Variants in SCAF11 observed in about 807,000 individuals in gnomAD.
SCAF11 encodes SR-related CTD associated factor 11.
A neutral mutation model predicts 140.5 loss-of-function variants in SCAF11; 47 were observed. That is an observed-to-expected ratio of 0.33 (90% CI 0.26 to 0.43). The LOEUF is 0.43. Among genes scored for constraint, SCAF11 ranks in the 20% least tolerant of loss-of-function variants. The pLI is 1.00. For missense variants in SCAF11, 1,645 were observed against 1,705.1 expected, an observed-to-expected ratio of 0.96 and a Z score of 0.62; for synonymous variants, 557 against 579.4, an observed-to-expected ratio of 0.96 and a Z score of 0.55.
At chr12:45,941,748 T>C (rs1565670674) in intron 6 of SCAF11, among the ~76,000 whole-genome samples, 1 of 152,210 alleles carries the variant, frequency 6.6e-6, no homozygotes, top group East Asian at 1.9e-4. Context: ...CTATATCCAA[T>C]CCATCAATGA....
rs1944738269 is a variant in SCAF11 at position 45,922,458 on chromosome 12, C to T, written c.4245+5G>A. 1 of 1,599,468 alleles carries T rather than the reference C, an allele frequency of 6.3e-7. No homozygotes were observed. The highest frequency in any genetic ancestry group is 8.5e-7 in the Non-Finnish European group (1 of 1,177,378). Reference sequence around the variant, plus strand: ...TGCACATACTCCACTAAAGCCATAACTTACTTTATCTACTGCTTTCCGTAC... The same window carrying T: ...TGCACATACTCCACTAAAGCCATAATTTACTTTATCTACTGCTTTCCGTAC... On this transcript the variant is annotated splice_donor_5th_base_variant and intron_variant, in intron 14 of 14. Coordinates refer to ENST00000369367, the MANE Select transcript of SCAF11 (RefSeq NM_004719.3).
chr12:45,948,540 A>C lies in SCAF11; in HGVS notation c.298-3T>G. On this transcript the variant is annotated splice_polypyrimidine_tract_variant and splice_region_variant and intron_variant, in intron 4 of 14. Coordinates refer to ENST00000369367, the MANE Select transcript of SCAF11 (RefSeq NM_004719.3). ...CTCAGCTGTTTTTTTACTTGAACCTATGAGAAAAGCAAAATCAATTTAGAG... is the reference window on the plus strand; with the variant it reads ...CTCAGCTGTTTTTTTACTTGAACCTCTGAGAAAAGCAAAATCAATTTAGAG... 1 of 1,569,392 alleles carries C rather than the reference A, an allele frequency of 6.4e-7. No homozygotes were observed. Among genetic ancestry groups the C allele is most frequent in the Non-Finnish European group, 8.7e-7 (1 of 1,145,206 alleles).
intron 10 of SCAF11, chr12:45,929,271 C>G (rs1234241641): frequency 6.5e-6 from 1 of 154,380 alleles, no homozygotes; most frequent in African/African-American, 2.4e-5. Flanking sequence ...GATCCTCCCA[C>G]CTCAGCCTCC....
At chr12:45,932,799 C>G (rs552918820) in intron 9 of SCAF11, among the ~76,000 whole-genome samples, 1 of 152,170 alleles carries the variant, frequency 6.6e-6, no homozygotes, top group East Asian at 1.9e-4. Context: ...CAGCGGACAG[C>G]ACGCAGGTAA....
intron 1 of SCAF11, among the ~76,000 whole-genome samples, chr12:45,978,314 C>T (rs1011929902): frequency 6.6e-6 from 1 of 152,098 alleles, no homozygotes; most frequent in Non-Finnish European, 1.5e-5. Flanking sequence ...ATTCTCATCC[C>T]CATTTACTGA....
At chr12:45,947,889 C>T (rs1945462357) in intron 5 of SCAF11, among the ~76,000 whole-genome samples, 1 of 152,102 alleles carries the variant, frequency 6.6e-6, no homozygotes, top group Admixed American at 6.6e-5. Flanking sequence ...GTTGCCTAGG[C>T]TGGTCTTGAA....
At chr12:45,961,427 TTTCTACC>T in intron 3 of SCAF11, 1 of 638,256 alleles carries the variant, frequency 1.6e-6, no homozygotes, top group Admixed American at 2.8e-5. Context: ...AATTACTGCA[TTTCTACC>T]AGAAAAAAAG....
At chr12:45,967,782 T>C (rs907922934) in intron 1 of SCAF11, among the ~76,000 whole-genome samples, 11 of 152,264 alleles carry the variant, frequency 7.2e-5, no homozygotes, top group Non-Finnish European at 1.3e-4. Context: ...TTTAGTCATT[T>C]AAAATGACAG....
intron 6 of SCAF11, among the ~76,000 whole-genome samples, chr12:45,935,848 T>A (rs978981991): frequency 2.0e-5 from 3 of 152,210 alleles, no homozygotes; most frequent in Non-Finnish European, 4.4e-5. Flanking sequence ...CTCTAAAGTA[T>A]TCGATACTGG....
chr12:45,943,241 G>A (rs1005348904), intron 6 of SCAF11, among the ~76,000 whole-genome samples: 4 of 152,108 alleles, frequency 2.6e-5, no homozygotes, highest in African/African-American at 4.8e-5. Flanking sequence ...TATTTATGGT[G>A]TCTCTTTCTG....
intron 1 of SCAF11, among the ~76,000 whole-genome samples, chr12:45,973,396 GAAAGAAGAAGAA>G (rs1364911085): frequency 1.3e-4 from 19 of 151,968 alleles, no homozygotes; most frequent in African/African-American, 4.1e-4. Flanking sequence ...AAAGAAAGTA[GAAAGAAGAAGAA>G]AAAGAAGAAG....
At chr12:45,925,783 C>T (rs1484211079) in intron 11 of SCAF11, among the ~76,000 whole-genome samples, 1 of 151,970 alleles carries the variant, frequency 6.6e-6, no homozygotes, top group African/African-American at 2.4e-5. Flanking sequence ...AAAACAATGG[C>T]TTATTTTATT....
intron 2 of SCAF11, among the ~76,000 whole-genome samples, chr12:45,962,877 T>C (rs1185932165): frequency 6.6e-6 from 1 of 152,236 alleles, no homozygotes; most frequent in Non-Finnish European, 1.5e-5. Context: ...ATAGATTTAA[T>C]TTATCAAATG....
At chr12:45,952,176 A>G (rs906355361) in intron 3 of SCAF11, among the ~76,000 whole-genome samples, 2 of 152,174 alleles carry the variant, frequency 1.3e-5, no homozygotes, top group African/African-American at 4.8e-5. Flanking sequence ...AAAACATTTG[A>G]AAGATATGAA....
In SCAF11 at chr12:45,923,140, A is replaced by C. The variant is rs1944756202; in HGVS notation, c.3921T>G (p.Ser1307=). The C allele has an allele frequency of 6.2e-7, 1 of 1,613,844 alleles. No homozygotes were observed. The highest frequency in any genetic ancestry group is 1.3e-5 in the African/African-American group (1 of 75,038). ...TACTCATGTTATTACTTACATGAGA[A>C]GAACTAGGAATACCCTGTTTTAAAG... The part of the protein sequence containing the change: ...DGKQLQGIPS[S]SHVSNNMSTP... The change falls in exon 13 of 15, where the codon TCT becomes TCG. Residue 1307 remains serine (S), a synonymous_variant. Coordinates refer to ENST00000369367, the MANE Select transcript of SCAF11 (RefSeq NM_004719.3).
intron 3 of SCAF11, chr12:45,955,629 T>C (rs1309855388): frequency 2.0e-5 from 3 of 153,084 alleles, no homozygotes; most frequent in African/African-American, 4.8e-5. Flanking sequence ...TTTTAACTAA[T>C]ACTTACTCTA....
At chr12:45,978,356 G>C (rs1184794801) in intron 1 of SCAF11, among the ~76,000 whole-genome samples, 1 of 152,082 alleles carries the variant, frequency 6.6e-6, no homozygotes, top group African/African-American at 2.4e-5. Flanking sequence ...TATATGCTAA[G>C]GGCAAACCTA....
upstream of SCAF11, chr12:45,991,854 G>C: frequency 7.9e-7 from 1 of 1,273,506 alleles, no homozygotes; most frequent in Non-Finnish European, 1.0e-6. Flanking sequence ...GCTCCCGCAG[G>C]ACTAAGCTCT....
Position 45,922,532 on chromosome 12 carries a change from C to T in SCAF11, c.4176G>A (p.Lys1392=), listed in dbSNP as rs1318936300. Residue 1392 remains lysine (K), a synonymous_variant, in exon 14 of 15, where the codon AAG becomes AAA. Coordinates refer to ENST00000369367, the MANE Select transcript of SCAF11 (RefSeq NM_004719.3). ...KAAQEVKLAI[K]PFYQNKDITK... is the part of the protein sequence containing the mutation. ...TGATATCTTTATTTTGGTAAAATGGCTTGATGGCCAATTTTACCTCTTGTG... is the reference window on the plus strand; with the variant it reads ...TGATATCTTTATTTTGGTAAAATGGTTTGATGGCCAATTTTACCTCTTGTG... The T allele has an allele frequency of 3.8e-6, 6 of 1,599,274 alleles. No individual in the cohort carries two copies. Among genetic ancestry groups the T allele is most frequent in the Non-Finnish European group, 5.1e-6 (6 of 1,176,968 alleles).
Sources: allele counts gnomAD v4.1 joint callset (sites outside exome capture counted in the v4.1 genomes callset), GRCh38; gene constraint gnomAD v4.1.1; transcripts MANE v1.5; gene names NCBI Gene and HGNC (gene_info 2026-07-23, HGNC 2026-07-21).